The following ARMC10 variants were observed in gnomAD, a reference collection of about 807,000 sequenced individuals.
The protein encoded by ARMC10 is armadillo repeat containing 10, also known as armadillo repeat-containing protein 10.
In ARMC10, 23 loss-of-function variants were observed where a neutral mutation model predicts 30.2. That is an observed-to-expected ratio of 0.76 (90% CI 0.55 to 1.08). The LOEUF (loss-of-function observed/expected upper bound fraction) is 1.08, where lower values mean the gene tolerates loss of function less well. Ranked by LOEUF, ARMC10 falls within the 50% of genes least tolerant of loss-of-function variation. The pLI is 0.00. For missense variants in ARMC10, 303 were observed against 413.7 expected, an observed-to-expected ratio of 0.73 and a Z score of 2.32; for synonymous variants, 111 against 164.4, an observed-to-expected ratio of 0.68 and a Z score of 2.48.
intron 2 of ARMC10, chr7:103,081,996 A>G (rs984654562): frequency 9.1e-6 from 4 of 439,578 alleles, no homozygotes; most frequent in Non-Finnish European, 1.8e-5. Context: ...TCCTTGAACA[A>G]TCCTGGCTTC....
At chr7:103,081,450 C>A (rs2129520809) in intron 2 of ARMC10, among the ~76,000 whole-genome samples, 1 of 152,340 alleles carries the variant, frequency 6.6e-6, no homozygotes, top group East Asian at 1.9e-4. Flanking sequence ...CAGCTTACTG[C>A]AACCTCTGCC....
At chr7:103,081,712 G>A (rs59807000) in intron 2 of ARMC10, among the ~76,000 whole-genome samples, 133,119 of 151,938 alleles carry the variant, frequency 0.88, 61,007 homozygotes, top group East Asian at 1. Context: ...AGATAACATA[G>A]AGTGGTATGA....
chr7:103,082,969 A>G (rs781436017), intron 2 of ARMC10: 7 of 428,154 alleles, frequency 1.6e-5, no homozygotes, highest in Admixed American at 5.2e-5. Flanking sequence ...CACACTAGCA[A>G]CAAGATTGGT....
chr7:103,097,731 C>T (rs185506801), intron 6 of ARMC10, among the ~76,000 whole-genome samples: 1 of 152,118 alleles, frequency 6.6e-6, no homozygotes, highest in Admixed American at 6.5e-5. Flanking sequence ...GTGAGCACAG[C>T]GTGACATGGT....
At chr7:103,083,611 G>C in intron 2 of ARMC10, 71 bp from the exon 3 acceptor site, 1 of 1,380,250 alleles carries the variant, frequency 7.2e-7, no homozygotes, top group Non-Finnish European at 1.0e-6. Context: ...GGGTGACAGA[G>C]TGAGAGCCTG....
chr7:103,083,324 A>T (rs943582605), intron 2 of ARMC10, among the ~76,000 whole-genome samples: 2 of 152,228 alleles, frequency 1.3e-5, no homozygotes, highest in Admixed American at 6.5e-5. Flanking sequence ...TGTTTTAAAA[A>T]TTTTAAAAAA....
intron 2 of ARMC10, among the ~76,000 whole-genome samples, chr7:103,082,907 T>A (rs1377765835): frequency 6.6e-6 from 1 of 152,234 alleles, no homozygotes; most frequent in Non-Finnish European, 1.5e-5. Flanking sequence ...CCAGCAGGAC[T>A]ATTATTCTAG....
intron 2 of ARMC10, among the ~76,000 whole-genome samples, chr7:103,081,047 A>G (rs1406610846): frequency 6.6e-6 from 1 of 152,240 alleles, no homozygotes; most frequent in Non-Finnish European, 1.5e-5. Context: ...TGTCCCATTA[A>G]TGAAAATAAT....
At position 103,092,592 on chromosome 7, in the gene ARMC10, T is replaced by A; in HGVS notation, c.644T>A (p.Met215Lys). ...NMTVTNDHQH[M>K]LHSYITDLFQ... ...ACTGTTACCAATGACCACCAGCACA[T>A]GCTTCACAGTTACATTACAGACCTG... The change falls in exon 5 of 7, where the codon ATG becomes AAG. Residue 215 changes from methionine to lysine, a missense_variant. Met to Lys is a moderately conservative substitution (Grantham distance 95). Transcript: ENST00000323716. 6.2e-7 allele frequency: 1 copy of A among 1,608,620 alleles called. No individual in the cohort carries two copies. Among genetic ancestry groups the A allele is most frequent in the South Asian group, 1.1e-5 (1 of 90,762 alleles).
rs1329247710 is a variant in ARMC10, at chr7:103,075,851, G to A, written c.214G>A (p.Glu72Lys). The part of the protein sequence containing the change: ...SARPQTGGTW[E>K]SQWSKTSQPE... ...CCGGCCTCAGACGGGAGGTACCTGG[G>A]AGTCACAGTGGTCCAAGACCTCGCA... Residue 72 changes from glutamate to lysine, a missense_variant, in exon 2 of 7, where the codon GAG (glutamate) becomes AAG (lysine). Physicochemically the swap from Glu to Lys is moderately conservative, Grantham distance 56. Coordinates refer to ENST00000323716, the MANE Select transcript of ARMC10 (RefSeq NM_031905.5). 1 of 1,610,656 alleles carries A rather than the reference G, an allele frequency of 6.2e-7. No individual in the cohort carries two copies. The highest frequency in any genetic ancestry group is 8.5e-7 in the Non-Finnish European group (1 of 1,178,654).
intron 2 of ARMC10, 39 bp downstream of exon 2, chr7:103,075,920 A>G (rs1324200682): frequency 2.1e-6 from 3 of 1,426,652 alleles, no homozygotes; most frequent in Non-Finnish European, 2.8e-6. Flanking sequence ...TCTGCGCGAG[A>G]CACACCCTCC....
At chr7:103,089,662 T>C (rs1470329475) in intron 4 of ARMC10, 1 of 152,308 alleles carries the variant, frequency 6.6e-6, no homozygotes, top group African/African-American at 2.4e-5. Context: ...CAAGGGCTCC[T>C]TCATATTCCA....
At chr7:103,098,066 C>T (rs1358677042) in intron 6 of ARMC10, among the ~76,000 whole-genome samples, 1 of 152,148 alleles carries the variant, frequency 6.6e-6, no homozygotes, top group Non-Finnish European at 1.5e-5. Context: ...CTGAAACACT[C>T]CCTTTTTTCC....
At chr7:103,094,489 G>A (rs1801608246) in intron 5 of ARMC10, among the ~76,000 whole-genome samples, 1 of 152,122 alleles carries the variant, frequency 6.6e-6, no homozygotes, top group Non-Finnish European at 1.5e-5. Context: ...ATACCAAATA[G>A]CTATTGCTGT....
chr7:103,084,187 C>A, intron 3 of ARMC10: 1 of 457,610 alleles, frequency 2.2e-6, no homozygotes, highest in South Asian at 2.2e-5. Flanking sequence ...GTATATCGGT[C>A]TTATGAATAT....
At position 103,075,425 on chromosome 7, in the gene ARMC10, G is replaced by A; in HGVS notation, c.139+14G>A. On this transcript the variant is annotated intron_variant, in intron 1 of 6. Coordinates refer to ENST00000323716, the MANE Select transcript of ARMC10 (RefSeq NM_031905.5). ...CGAAGTCCGCAGGTGGGACCCCGGG[G>A]TTTCCGGCAGGTGGGCGGGGACTGG... 1 of 1,289,534 alleles carries A rather than the reference G, an allele frequency of 7.8e-7. No individual in the cohort carries two copies. The highest frequency in any genetic ancestry group is 9.8e-7 in the Non-Finnish European group (1 of 1,016,226). The allele number at this position is 1,289,534 out of a possible 1,614,324, so 79.9% of individuals were successfully genotyped here. A position where few individuals can be genotyped will look rare whatever the true frequency, so the allele number is the denominator to read the frequency against.
chr7:103,091,786 A>G (rs2129523781), intron 4 of ARMC10, among the ~76,000 whole-genome samples: 1 of 152,330 alleles, frequency 6.6e-6, no homozygotes, highest in East Asian at 1.9e-4. Flanking sequence ...GGGAGAAGCC[A>G]CTGGTGTTAA....
intron 4 of ARMC10, among the ~76,000 whole-genome samples, chr7:103,091,163 G>A (rs1801283881): frequency 6.6e-6 from 1 of 152,096 alleles, no homozygotes. Flanking sequence ...ACATGGTGGT[G>A]CACACCTGTA....
At position 103,083,081 on chromosome 7, in the gene ARMC10, A is replaced by G. The variant is rs981077651; in HGVS notation, c.245-601A>G. On this transcript the variant is annotated intron_variant, in intron 2 of 6. Transcript: ENST00000323716. ...CTCTTTATAGGTAAGTGTTCATTGG[A>G]TGGGTGTACCTCGTTTTTAAAAGGA... 3.5e-5 allele frequency: 16 copies of G among 456,642 alleles called. No homozygotes were observed. In the Admixed American group the frequency reaches 3.8e-4, roughly 11 times the overall value. 28.3% of individuals were successfully genotyped at this position (456,642 alleles called of 1,614,324 possible). A position where few individuals can be genotyped will look rare whatever the true frequency, so the allele number is the denominator to read the frequency against.
Sources: allele counts gnomAD v4.1 joint callset (sites outside exome capture counted in the v4.1 genomes callset), GRCh38; gene constraint gnomAD v4.1.1; transcripts MANE v1.5; gene names NCBI Gene and HGNC (gene_info 2026-07-23, HGNC 2026-07-21).